CCNY: variants seen among roughly 807,000 people sequenced by gnomAD.
CCNY encodes cyclin Y.
A neutral mutation model predicts 42.8 loss-of-function variants in CCNY; 19 were observed. That is an observed-to-expected ratio of 0.44 (90% CI 0.31 to 0.65). CCNY has a LOEUF of 0.65. Among genes scored for constraint, CCNY ranks in the 30% least tolerant of loss-of-function variants. The probability of loss-of-function intolerance (pLI) is 0.07; values close to 1 mark genes in which losing one functional copy is unlikely to be tolerated. For missense variants in CCNY, 370 were observed against 437.3 expected, an observed-to-expected ratio of 0.85 and a Z score of 1.37; for synonymous variants, 165 against 162.7, an observed-to-expected ratio of 1.01 and a Z score of -0.11.
intron 1 of CCNY, among the ~76,000 whole-genome samples, chr10:35,436,301 C>A (rs1200791504): frequency 6.6e-6 from 1 of 152,148 alleles, no homozygotes; most frequent in African/African-American, 2.4e-5. Context: ...CCTTATGGGT[C>A]CCCCACCCCT....
chr10:35,256,646 G>C (rs2095715700), intron 3 of CCNY, among the ~76,000 whole-genome samples: 1 of 151,704 alleles, frequency 6.6e-6, no homozygotes, highest in African/African-American at 2.4e-5. Flanking sequence ...GCAGAGAACT[G>C]CTTGAACCCA....
chr10:35,409,129 G>T (rs1837848040), intron 1 of CCNY, among the ~76,000 whole-genome samples: 1 of 152,080 alleles, frequency 6.6e-6, no homozygotes, highest in Non-Finnish European at 1.5e-5. Context: ...ATTGTGTATT[G>T]CAACCAGGAG....
chr10:35,437,033 C>T (rs1838550592), intron 1 of CCNY, among the ~76,000 whole-genome samples: 1 of 152,174 alleles, frequency 6.6e-6, no homozygotes, highest in South Asian at 2.1e-4. Flanking sequence ...GAAGAAATGA[C>T]AGCAGGGGAA....
chr10:35,293,914 C>T (rs1376887698), intron 3 of CCNY, among the ~76,000 whole-genome samples: 5 of 151,938 alleles, frequency 3.3e-5, no homozygotes, highest in Non-Finnish European at 7.4e-5. Context: ...CCTCAGCCTC[C>T]CGAGTAGCTG....
At chr10:35,517,731 G>A (rs148106185) in intron 4 of CCNY, among the ~76,000 whole-genome samples, 127 of 152,284 alleles carry the variant, frequency 8.3e-4, no homozygotes, top group African/African-American at 2.8e-3. Context: ...CCTCAGCACC[G>A]GAGTGCACGG....
At chr10:35,366,652 G>A (rs763048190) in intron 1 of CCNY, among the ~76,000 whole-genome samples, 1 of 152,126 alleles carries the variant, frequency 6.6e-6, no homozygotes, top group Non-Finnish European at 1.5e-5. Flanking sequence ...TCCAGTCTTC[G>A]CTAGTTCTAC....
At chr10:35,323,968 T>C (rs1016306207) in intron 3 of CCNY, among the ~76,000 whole-genome samples, 5 of 150,986 alleles carry the variant, frequency 3.3e-5, no homozygotes, top group African/African-American at 1.2e-4. Context: ...TGCAATGAGC[T>C]GAGATCACAC....
At chr10:35,303,567 C>T (rs1835564049) in intron 3 of CCNY, among the ~76,000 whole-genome samples, 2 of 150,496 alleles carry the variant, frequency 1.3e-5, no homozygotes, top group Non-Finnish European at 3.0e-5. Context: ...CACCTGAGGT[C>T]GGGAGTTCGA....
chr10:35,429,821 A>G (rs1838346014), intron 1 of CCNY, among the ~76,000 whole-genome samples: 1 of 152,260 alleles, frequency 6.6e-6, no homozygotes, highest in African/African-American at 2.4e-5. Flanking sequence ...CCTTTTAAAC[A>G]AGTGAATTGC....
At chr10:35,285,535 C>T (rs1330333603) in intron 3 of CCNY, among the ~76,000 whole-genome samples, 2 of 152,132 alleles carry the variant, frequency 1.3e-5, no homozygotes, top group East Asian at 3.9e-4. Context: ...AGTGATCTTC[C>T]CACCTCAGAC....
chr10:35,400,232 G>A, intron 1 of CCNY, among the ~76,000 whole-genome samples: 1 of 133,086 alleles, frequency 7.5e-6, no homozygotes, highest in East Asian at 2.4e-4. Context: ...GTGGTTTGAT[G>A]AAAGGCATTC....
At chr10:35,310,934 A>G (rs1439046214) in intron 3 of CCNY, among the ~76,000 whole-genome samples, 1 of 152,152 alleles carries the variant, frequency 6.6e-6, no homozygotes, top group Non-Finnish European at 1.5e-5. Flanking sequence ...TGAGTCCAGG[A>G]GTTCAAGACC....
chr10:35,366,607 A>G (rs1187608793), intron 1 of CCNY, among the ~76,000 whole-genome samples: 2 of 152,218 alleles, frequency 1.3e-5, no homozygotes, highest in Non-Finnish European at 2.9e-5. Flanking sequence ...GCTGTAGCTG[A>G]GTGTGGACAT....
rs186171158 is a variant in CCNY, at chr10:35,548,576, T to A, written c.580-4443T>A. ...CTCCCGACGTGCTGGGATTACAGGCTTGAGCCACCGCACCCAGCCAAGAAA... is the reference window on the plus strand; with the variant it reads ...CTCCCGACGTGCTGGGATTACAGGCATGAGCCACCGCACCCAGCCAAGAAA... On this transcript the variant is annotated intron_variant, in intron 7 of 9. Coordinates refer to ENST00000374704, the MANE Select transcript of CCNY (RefSeq NM_145012.6). 6.8e-3 allele frequency among the ~76,000 whole-genome samples: 1,034 copies of A among 152,196 alleles called. 11 individuals are homozygous for A. Among genetic ancestry groups the A allele is most frequent in the African/African-American group, 0.024 (982 of 41,524 alleles).
At chr10:35,346,691 C>T (rs1564376435) in intron 1 of CCNY, among the ~76,000 whole-genome samples, 1 of 152,162 alleles carries the variant, frequency 6.6e-6, no homozygotes, top group Non-Finnish European at 1.5e-5. Flanking sequence ...AGTGCAGTGG[C>T]GTTAGCTCAC....
At chr10:35,538,524 G>A (rs1195633278) in intron 7 of CCNY, among the ~76,000 whole-genome samples, 1 of 152,166 alleles carries the variant, frequency 6.6e-6, no homozygotes, top group Non-Finnish European at 1.5e-5. Flanking sequence ...TGGGTTTGAA[G>A]GGTTAGGTCA....
intron 1 of CCNY, among the ~76,000 whole-genome samples, chr10:35,470,343 GGACA>G (rs1378925419): frequency 6.6e-6 from 1 of 152,018 alleles, no homozygotes; most frequent in Non-Finnish European, 1.5e-5. Flanking sequence ...GGAGATGGAG[GGACA>G]GACAGACAAA....
chr10:35,299,390 T>C (rs890189723), intron 3 of CCNY, among the ~76,000 whole-genome samples: 3 of 152,264 alleles, frequency 2.0e-5, no homozygotes, highest in Admixed American at 6.5e-5. Flanking sequence ...ATTATGGATT[T>C]GTCTTTTTCC....
In CCNY at chr10:35,566,009, TCTTTG is replaced by T. The variant is rs758604874; in HGVS notation, c.747-7_747-3del. Reference sequence around the variant, plus strand: ...GGCAGCTAAGCATAGGCTATTTTTGTCTTTGCTTTGCAGGAACGAGCTAGAGCGAC... The same window carrying T: ...GGCAGCTAAGCATAGGCTATTTTTGTCTTTGCAGGAACGAGCTAGAGCGAC... On this transcript the variant is annotated splice_polypyrimidine_tract_variant and intron_variant, in intron 8 of 9. Transcript: ENST00000374704. The T allele has an allele frequency of 5.0e-6, 8 of 1,609,358 alleles. No individual in the cohort carries two copies. Among genetic ancestry groups the T allele is most frequent in the African/African-American group, 1.3e-5 (1 of 74,744 alleles).
Sources: allele counts gnomAD v4.1 joint callset (sites outside exome capture counted in the v4.1 genomes callset), GRCh38; gene constraint gnomAD v4.1.1; transcripts MANE v1.5; gene names NCBI Gene and HGNC (gene_info 2026-07-23, HGNC 2026-07-21).